Variants in NDUFA13 observed in about 807,000 individuals in gnomAD.
The protein encoded by NDUFA13 is NADH:ubiquinone oxidoreductase subunit A13, also known as NADH dehydrogenase [ubiquinone] 1 alpha subcomplex subunit 13.
Under a neutral mutation model 17.0 loss-of-function variants are expected in NDUFA13, and 16 were observed. That is an observed-to-expected ratio of 0.94 (90% confidence interval 0.64 to 1.43). NDUFA13 has a LOEUF of 1.43. Ranked by LOEUF, NDUFA13 falls within the 40% of genes most tolerant of loss-of-function variation. The pLI is 0.00. For missense variants in NDUFA13, 228 were observed against 206.7 expected, an observed-to-expected ratio of 1.10 and a Z score of -0.63; for synonymous variants, 87 against 78.4, an observed-to-expected ratio of 1.11 and a Z score of -0.58.
At chr19:19,518,871 T>G (rs2061063205) in intron 1 of NDUFA13, among the ~76,000 whole-genome samples, 1 of 148,364 alleles carries the variant, frequency 6.7e-6, no homozygotes, top group African/African-American at 2.5e-5. Context: ...GCCTCCCGAA[T>G]AGCTAGGATT....
Position 19,516,227 on chromosome 19 carries a change from G to C in NDUFA13, c.-12G>C. 6.2e-7 allele frequency: 1 copy of C among 1,614,138 alleles called. No individual in the cohort carries two copies. Reference sequence around the variant, plus strand: ...CTTCCGCCCGGGACCGGAAGTGTGGGATACTGCGAGTATGGCGGCGTCAAA... The same window carrying C: ...CTTCCGCCCGGGACCGGAAGTGTGGCATACTGCGAGTATGGCGGCGTCAAA... On this transcript the variant is annotated 5_prime_UTR_variant, in exon 1 of 5. Transcript: ENST00000507754.
chr19:19,517,809 G>T (rs1639759754), intron 1 of NDUFA13, among the ~76,000 whole-genome samples: 1 of 152,052 alleles, frequency 6.6e-6, no homozygotes. Flanking sequence ...TTACAGGCAT[G>T]AGCCACCGCG....
At position 19,526,303 on chromosome 19, in the gene NDUFA13, G is replaced by A. The variant is rs566768141; in HGVS notation, c.173+43G>A. 9.4e-6 allele frequency: 15 copies of A among 1,600,952 alleles called. No homozygotes were observed. In the African/African-American group the frequency reaches 9.4e-5, roughly 10 times the overall value. On this transcript the variant is annotated intron_variant, in intron 2 of 4. Coordinates refer to ENST00000507754, the MANE Select transcript of NDUFA13 (RefSeq NM_015965.7). Reference sequence around the variant, plus strand: ...CGTTGTCTGAAAGTGCCCCCCCGGCGAGTTGTCGGGGTCCTGTAGCATTCC... The same window carrying A: ...CGTTGTCTGAAAGTGCCCCCCCGGCAAGTTGTCGGGGTCCTGTAGCATTCC...
chr19:19,517,029 C>A (rs892101026), intron 1 of NDUFA13, among the ~76,000 whole-genome samples: 1 of 152,158 alleles, frequency 6.6e-6, no homozygotes, highest in South Asian at 2.1e-4. Context: ...TCGGATGATC[C>A]GCCCACCTCG....
At position 19,516,330 on chromosome 19, in the gene NDUFA13, C is replaced by A. The variant is rs745659588; in HGVS notation, c.92C>A (p.Ser31Ter). 8.1e-6 allele frequency: 13 copies of A among 1,613,316 alleles called. No homozygotes were observed. The highest frequency in any genetic ancestry group is 1.1e-5 in the Non-Finnish European group (13 of 1,179,980). The part of the protein sequence containing the change: ...YKRNLPRRGL[S>*]GYSMLAIGIG... Reference sequence around the variant, plus strand: ...CGGAACTTGCCGCGTCGAGGACTGTCGGGTCAGTATCACTCTGCGCCGGGG... The same window carrying A: ...CGGAACTTGCCGCGTCGAGGACTGTAGGGTCAGTATCACTCTGCGCCGGGG... The change falls in exon 1 of 5, where the codon TCG (serine) becomes TAG (stop). Residue 31 changes from serine (S) to a stop codon, truncating the protein, a stop_gained and splice_region_variant. Coordinates refer to ENST00000507754, the MANE Select transcript of NDUFA13 (RefSeq NM_015965.7). LOFTEE classifies it high-confidence loss of function.
chr19:19,518,182 A>G (rs1035970365), intron 1 of NDUFA13, among the ~76,000 whole-genome samples: 1 of 150,832 alleles, frequency 6.6e-6, no homozygotes, highest in Non-Finnish European at 1.5e-5. Context: ...CCCAGAACAC[A>G]TTGGAGGAAT....
In NDUFA13 at chr19:19,516,273, C is replaced by T. The variant is rs1025815225; in HGVS notation, c.35C>T (p.Pro12Leu). 5.6e-6 allele frequency: 9 copies of T among 1,613,820 alleles called. No homozygotes were observed. Among genetic ancestry groups the T allele is most frequent in the East Asian group, 4.5e-5 (2 of 44,894 alleles). Reference sequence around the variant, plus strand: ...TCAAAGGTGAAGCAGGACATGCCTCCGCCGGGGGGCTATGGGCCCATCGAC... The same window carrying T: ...TCAAAGGTGAAGCAGGACATGCCTCTGCCGGGGGGCTATGGGCCCATCGAC... ...AASKVKQDMPPPGGYGPIDYK... is the reference protein window; with the variant it reads ...AASKVKQDMPLPGGYGPIDYK... Residue 12 changes from proline (P) to leucine (L), a missense_variant, in exon 1 of 5, where the codon CCG (proline) becomes CTG (leucine). By Grantham distance (98) the Pro-to-Leu change is moderately conservative. Transcript: ENST00000507754.
Position 19,516,281 on chromosome 19 carries a change from G to A in NDUFA13, c.43G>A (p.Gly15Ser), listed in dbSNP as rs921568656. 5.6e-6 allele frequency: 9 copies of A among 1,613,850 alleles called. No homozygotes were observed. Among genetic ancestry groups the A allele is most frequent in the African/African-American group, 1.3e-5 (1 of 74,940 alleles). The change falls in exon 1 of 5, where the codon GGC (glycine) becomes AGC (serine). Residue 15 changes from glycine (G) to serine (S), a missense_variant. By Grantham distance (56) the Gly-to-Ser change is moderately conservative (BLOSUM62 0). Coordinates refer to ENST00000507754, the MANE Select transcript of NDUFA13 (RefSeq NM_015965.7). ...KVKQDMPPPGGYGPIDYKRNL... is the reference protein window; with the variant it reads ...KVKQDMPPPGSYGPIDYKRNL... ...GAAGCAGGACATGCCTCCGCCGGGG[G>A]GCTATGGGCCCATCGACTACAAACG...
At chr19:19,527,412 C>T in intron 3 of NDUFA13, 60 bp downstream of exon 3, 1 of 1,583,168 alleles carries the variant, frequency 6.3e-7, no homozygotes, top group Non-Finnish European at 8.7e-7. Context: ...GGCTGCAGGG[C>T]CTGACCTGCA....
At chr19:19,524,482 G>A (rs2061091672) in intron 1 of NDUFA13, among the ~76,000 whole-genome samples, 1 of 152,214 alleles carries the variant, frequency 6.6e-6, no homozygotes, top group South Asian at 2.1e-4. Flanking sequence ...AGAAGGCTGA[G>A]GGCAGCCCAG....
intron 1 of NDUFA13, among the ~76,000 whole-genome samples, chr19:19,517,421 A>G (rs770252873): frequency 5.3e-5 from 8 of 151,814 alleles, no homozygotes; most frequent in Non-Finnish European, 1.2e-4. Context: ...CATCTTGCCC[A>G]GGCTGGTCTC....
intron 1 of NDUFA13, among the ~76,000 whole-genome samples, chr19:19,521,439 A>G (rs1905168239): frequency 6.6e-6 from 1 of 152,168 alleles, no homozygotes; most frequent in Non-Finnish European, 1.5e-5. Context: ...GCTGGTGTCG[A>G]ACTCCTGGGC....
intron 2 of NDUFA13, 53 bp downstream of exon 2, chr19:19,526,313 G>T: frequency 6.3e-7 from 1 of 1,591,678 alleles, no homozygotes; most frequent in African/African-American, 1.3e-5. Flanking sequence ...GAGTTGTCGG[G>T]GTCCTGTAGC....
intron 1 of NDUFA13, 49 bp downstream of exon 1, chr19:19,516,381 CG>C (rs2144634330): frequency 6.5e-7 from 1 of 1,547,384 alleles, no homozygotes. Context: ...ACTCGGGGCT[CG>C]GGGGCGGGGT....
rs758195649 is a variant in NDUFA13, at chr19:19,526,265, G to A, written c.173+5G>A. 1.2e-6 allele frequency: 2 copies of A among 1,613,954 alleles called. No homozygotes were observed. The highest frequency in any genetic ancestry group is 1.3e-5 in the African/African-American group (1 of 75,062). Reference sequence around the variant, plus strand: ...GAAGTGGAACCGTGAGCGCAGGTAGGGCCCCTGGTGGGCGTTGTCTGAAAG... The same window carrying A: ...GAAGTGGAACCGTGAGCGCAGGTAGAGCCCCTGGTGGGCGTTGTCTGAAAG... On this transcript the variant is annotated splice_donor_5th_base_variant and intron_variant, in intron 2 of 4. Transcript: ENST00000507754.
intron 1 of NDUFA13, among the ~76,000 whole-genome samples, chr19:19,519,045 ATT>A (rs71170693): frequency 7.8e-5 from 9 of 114,898 alleles, no homozygotes; most frequent in African/African-American, 1.1e-4. Context: ...GGCCCGGCCT[ATT>A]TTTTTTTTTT....
chr19:19,517,669 G>A lies in NDUFA13; in HGVS notation c.94+1337G>A, dbSNP rs1250006841. On this transcript the variant is annotated intron_variant, in intron 1 of 4. Transcript: ENST00000507754. ...AGTGTGAGGTGAAAAGTCCTCCCCA[G>A]CCCCTTCTTGGTTTTTTTATTTTTT... Among the ~76,000 whole-genome samples the A allele has an allele frequency of 2.0e-5, 3 of 151,914 alleles. No homozygotes were observed. The East Asian group carries it at 5.8e-4, about 30-fold the overall frequency.
At chr19:19,521,319 G>A (rs925272999) in intron 1 of NDUFA13, among the ~76,000 whole-genome samples, 3 of 17,852 alleles carry the variant, frequency 1.7e-4, no homozygotes, top group South Asian at 1.6e-3. Flanking sequence ...GTCATTGATC[G>A]TTGATTTGCA....
At chr19:19,527,603 G>T in intron 3 of NDUFA13, 98 bp from the exon 4 acceptor site, 1 of 1,057,800 alleles carries the variant, frequency 9.5e-7, no homozygotes, top group East Asian at 2.6e-5. Flanking sequence ...AAGGAGACAG[G>T]GTCGGAGGGA....
Sources: allele counts gnomAD v4.1 joint callset (sites outside exome capture counted in the v4.1 genomes callset), GRCh38; gene constraint gnomAD v4.1.1; transcripts MANE v1.5; gene names NCBI Gene and HGNC (gene_info 2026-07-23, HGNC 2026-07-21).